Variants in ANO2 observed in about 807,000 individuals in gnomAD.
The protein encoded by ANO2 is anoctamin 2.
ANO2 carries 101 observed loss-of-function variants against 124.2 expected under a neutral mutation model. That is an observed-to-expected ratio of 0.81 (90% CI 0.69 to 0.96). ANO2 has a LOEUF of 0.96. Ranked by LOEUF, ANO2 falls within the 40% of genes least tolerant of loss-of-function variation. ANO2 has a pLI of 0.00. For missense variants in ANO2, 1,293 were observed against 1,274.5 expected (o/e 1.01, Z -0.22); for synonymous variants, 486 against 482.5 (o/e 1.01, Z -0.09).
chr12:5,939,489 T>G (rs1426743475), intron 1 of ANO2, among the ~76,000 whole-genome samples: 2 of 152,162 alleles, frequency 1.3e-5, no homozygotes, highest in African/African-American at 4.8e-5. Flanking sequence ...ACCTGTGGTA[T>G]GCAGAAGTGT....
intron 3 of ANO2, among the ~76,000 whole-genome samples, chr12:5,855,023 G>C (rs1955057357): frequency 6.7e-6 from 1 of 150,312 alleles, no homozygotes; most frequent in African/African-American, 2.5e-5. Flanking sequence ...AAGAACTAAA[G>C]AGGACCAAAA....
At chr12:5,776,935 A>G (rs1022639745) in intron 10 of ANO2, among the ~76,000 whole-genome samples, 1 of 152,188 alleles carries the variant, frequency 6.6e-6, no homozygotes, top group Non-Finnish European at 1.5e-5. Flanking sequence ...AGGAGCCTCT[A>G]CATTTGACAG....
chr12:5,932,695 T>A (rs1052310953), intron 1 of ANO2, among the ~76,000 whole-genome samples: 1 of 150,908 alleles, frequency 6.6e-6, no homozygotes, highest in Non-Finnish European at 1.5e-5. Flanking sequence ...GGAAGGAAGG[T>A]AGACTAGAGA....
intron 14 of ANO2, among the ~76,000 whole-genome samples, chr12:5,660,729 G>A (rs578049328): frequency 5.3e-5 from 8 of 152,270 alleles, no homozygotes; most frequent in East Asian, 3.9e-4. Flanking sequence ...CTTGGGTCAC[G>A]CTGATCACAG....
In ANO2 at chr12:5,575,815, C is replaced by T; in HGVS notation, c.2621+19G>A. Reference sequence around the variant, plus strand: ...TTGCTTCTGGTCCTCTGCTGCCCTTCTCCTGAAGATTACTTTACCTGCAGA... The same window carrying T: ...TTGCTTCTGGTCCTCTGCTGCCCTTTTCCTGAAGATTACTTTACCTGCAGA... On this transcript the variant is annotated intron_variant, in intron 23 of 24. Transcript: ENST00000682330. The T allele has an allele frequency of 6.2e-7, 1 of 1,611,108 alleles. No individual in the cohort carries two copies. The highest frequency in any genetic ancestry group is 8.5e-7 in the Non-Finnish European group (1 of 1,178,070).
At chr12:5,674,038 A>G (rs1948125995) in intron 14 of ANO2, among the ~76,000 whole-genome samples, 1 of 152,106 alleles carries the variant, frequency 6.6e-6, no homozygotes, top group African/African-American at 2.4e-5. Context: ...ATCCTTACCA[A>G]CCAGCAGTTC....
chr12:5,646,008 T>C (rs1946619809), intron 15 of ANO2, among the ~76,000 whole-genome samples: 1 of 152,236 alleles, frequency 6.6e-6, no homozygotes, highest in African/African-American at 2.4e-5. Flanking sequence ...ATAACAAGTT[T>C]TTTCTGCAGT....
intron 3 of ANO2, among the ~76,000 whole-genome samples, chr12:5,892,023 G>A (rs1472265350): frequency 7.3e-5 from 11 of 149,904 alleles, no homozygotes. Context: ...AAAGGCCCAA[G>A]AAAGAGCAAA....
At chr12:5,596,629 C>T (rs1398895356) in intron 20 of ANO2, among the ~76,000 whole-genome samples, 1 of 152,106 alleles carries the variant, frequency 6.6e-6, no homozygotes, top group African/African-American at 2.4e-5. Context: ...AGTAAATCTT[C>T]TAGTTCTTTA....
chr12:5,771,841 T>G (rs975220541), intron 10 of ANO2, among the ~76,000 whole-genome samples: 1 of 152,178 alleles, frequency 6.6e-6, no homozygotes, highest in Non-Finnish European at 1.5e-5. Flanking sequence ...CAAAAGGGGA[T>G]TCACAACAGA....
chr12:5,578,324 C>T, intron 21 of ANO2, 42 bp downstream of exon 21: 6 of 1,597,192 alleles, frequency 3.8e-6, no homozygotes, highest in South Asian at 1.1e-5. Context: ...GACAGAATGG[C>T]AGAAGGATGG....
At chr12:5,912,540 G>A (rs1353471880) in intron 3 of ANO2, among the ~76,000 whole-genome samples, 1 of 152,180 alleles carries the variant, frequency 6.6e-6, no homozygotes. Flanking sequence ...GGATTTGGGG[G>A]CTTGGAGGCT....
At chr12:5,746,376 T>TG (rs1333844782) in intron 11 of ANO2, among the ~76,000 whole-genome samples, 2 of 152,148 alleles carry the variant, frequency 1.3e-5, no homozygotes, top group Non-Finnish European at 2.9e-5. Context: ...ATATATGTAT[T>TG]GGGGGGTTTT....
chr12:5,592,496 C>T (rs1268470885), intron 20 of ANO2, among the ~76,000 whole-genome samples: 5 of 152,210 alleles, frequency 3.3e-5, no homozygotes, highest in East Asian at 3.9e-4. Context: ...CGCGGGCCTG[C>T]AAGAAGATGC....
chr12:5,809,844 A>G (rs1007338151), intron 7 of ANO2, among the ~76,000 whole-genome samples: 5 of 152,214 alleles, frequency 3.3e-5, no homozygotes, highest in Non-Finnish European at 7.3e-5. Flanking sequence ...TCACAGCTGG[A>G]AACACAGAAG....
chr12:5,933,378 C>T (rs1048860063), intron 1 of ANO2, among the ~76,000 whole-genome samples: 2 of 152,102 alleles, frequency 1.3e-5, no homozygotes, highest in African/African-American at 4.8e-5. Context: ...ACGAGGTTCA[C>T]AATTTATTAT....
chr12:5,837,961 G>C (rs982404714), intron 4 of ANO2, among the ~76,000 whole-genome samples: 1 of 151,616 alleles, frequency 6.6e-6, no homozygotes, highest in Admixed American at 6.6e-5. Flanking sequence ...TTGATAGACC[G>C]CTAGCAAGAC....
intron 16 of ANO2, among the ~76,000 whole-genome samples, chr12:5,619,334 T>C (rs1348531586): frequency 1.3e-5 from 2 of 152,218 alleles, no homozygotes; most frequent in Non-Finnish European, 2.9e-5. Flanking sequence ...AATAGAAATA[T>C]AGGTAGACAC....
Position 5,921,172 on chromosome 12 carries a change from C to A in ANO2, c.402G>T (p.Glu134Asp). 6.2e-7 allele frequency: 1 copy of A among 1,613,970 alleles called. No individual in the cohort carries two copies. The highest frequency in any genetic ancestry group is 1.6e-4 in the Middle Eastern group (1 of 6,062). Residue 134 changes from glutamate to aspartate, a missense_variant, in exon 3 of 25, where the codon GAG (glutamate) becomes GAT (aspartate). By Grantham distance (45) the Glu-to-Asp change is conservative. Coordinates refer to ENST00000682330, the MANE Select transcript of ANO2 (RefSeq NM_001364791.2). ...AIVSNGETGK[E>D]PHAGGPGDIE... is the part of the protein sequence containing the mutation. ...TGTCACCTGGGCCCCCAGCATGAGG[C>A]TCCTTGCCTGTCTCCCCATTGGAGA...
Sources: allele counts gnomAD v4.1 joint callset (sites outside exome capture counted in the v4.1 genomes callset), GRCh38; gene constraint gnomAD v4.1.1; transcripts MANE v1.5; gene names NCBI Gene and HGNC (gene_info 2026-07-23, HGNC 2026-07-21).